Variants in RMND1 observed in about 807,000 individuals in gnomAD.
RMND1 encodes the protein required for meiotic nuclear division 1 homolog.
RMND1 carries 41 observed loss-of-function variants against 54.0 expected under a neutral mutation model. The ratio of observed to expected loss-of-function variants is 0.76; its 90% CI spans 0.59 to 0.98. RMND1 has a LOEUF of 0.98. RMND1 is among the 50% of genes least tolerant of loss of function. The pLI is 0.00. For missense variants in RMND1, 457 were observed against 532.0 expected (o/e 0.86, Z 1.39); for synonymous variants, 183 against 181.7 (o/e 1.01, Z -0.06).
At chr6:151,433,005 C>T (rs1338950875) in intron 4 of RMND1, 150 bp downstream of exon 4, 1 of 530,368 alleles carries the variant, frequency 1.9e-6, no homozygotes, top group East Asian at 3.1e-5. Flanking sequence ...ACAAACTCTC[C>T]TAGATTAAAT....
chr6:151,449,369 G>T (rs1266746085), intron 1 of RMND1, among the ~76,000 whole-genome samples: 1 of 111,812 alleles, frequency 8.9e-6, no homozygotes, highest in East Asian at 2.7e-4. Context: ...ATTCTGTAAC[G>T]AAAAAAAAAA....
chr6:151,409,792 C>T (rs1197958428), intron 10 of RMND1, among the ~76,000 whole-genome samples: 2 of 152,060 alleles, frequency 1.3e-5, no homozygotes, highest in Admixed American at 6.6e-5. Context: ...TTAGAAGTCA[C>T]GACAACAAAC....
chr6:151,431,817 A>G (rs1780455390), intron 4 of RMND1, among the ~76,000 whole-genome samples: 1 of 152,138 alleles, frequency 6.6e-6, no homozygotes, highest in Non-Finnish European at 1.5e-5. Context: ...TTTCATGTTA[A>G]TATGTTAAGA....
intron 1 of RMND1, among the ~76,000 whole-genome samples, chr6:151,451,041 A>G (rs1582977617): frequency 6.6e-6 from 1 of 152,114 alleles, no homozygotes. Flanking sequence ...CCTAATCTCA[A>G]GTACCCAGGG....
At chr6:151,413,766 T>C (rs1779924281) in intron 10 of RMND1, 2 of 152,218 alleles carry the variant, frequency 1.3e-5, no homozygotes, top group African/African-American at 2.4e-5. Flanking sequence ...ACCTCTGTTA[T>C]CTAAAACTGT....
intron 5 of RMND1, among the ~76,000 whole-genome samples, chr6:151,428,587 A>G (rs998128560): frequency 5.3e-5 from 8 of 152,362 alleles, no homozygotes; most frequent in East Asian, 3.9e-4. Flanking sequence ...GCTGGAGTGC[A>G]GTGATGCAAT....
At chr6:151,442,343 GTTA>G (rs913668969) in intron 2 of RMND1, among the ~76,000 whole-genome samples, 1 of 152,094 alleles carries the variant, frequency 6.6e-6, no homozygotes, top group Non-Finnish European at 1.5e-5. Context: ...AATGTATTCT[GTTA>G]TTTTCTATTC....
intron 9 of RMND1, among the ~76,000 whole-genome samples, chr6:151,419,090 A>G (rs754325699): frequency 1.7e-4 from 22 of 129,896 alleles, no homozygotes; most frequent in Non-Finnish European, 3.6e-4. Flanking sequence ...TTGAGACAGA[A>G]TCTTGCTCTG....
At chr6:151,410,472 T>C (rs1302889500) in intron 10 of RMND1, among the ~76,000 whole-genome samples, 1 of 152,158 alleles carries the variant, frequency 6.6e-6, no homozygotes. Flanking sequence ...CAGGGTGAAC[T>C]CTCAACCCCT....
At chr6:151,451,703 A>C (rs1242853313) in intron 1 of RMND1, among the ~76,000 whole-genome samples, 1 of 152,206 alleles carries the variant, frequency 6.6e-6, no homozygotes, top group African/African-American at 2.4e-5. Flanking sequence ...CAATTAAGAA[A>C]ATCGATTACA....
intron 10 of RMND1, among the ~76,000 whole-genome samples, chr6:151,410,086 G>A (rs1321974654): frequency 1.7e-4 from 24 of 142,496 alleles, no homozygotes; most frequent in Non-Finnish European, 1.5e-4. Context: ...GCGGAGTCTT[G>A]CTCTGTCACC....
chr6:151,407,865 C>G (rs976907846), intron 10 of RMND1, among the ~76,000 whole-genome samples: 2 of 151,902 alleles, frequency 1.3e-5, no homozygotes, highest in Non-Finnish European at 1.5e-5. Flanking sequence ...GAGCCAAGAT[C>G]GCGCCACTGC....
Position 151,434,341 on chromosome 6 carries a change from C to T in RMND1, c.614-1111G>A, listed in dbSNP as rs557359830. Among the ~76,000 whole-genome samples the T allele has an allele frequency of 4.6e-5, 7 of 151,784 alleles. No homozygotes were observed. The East Asian group carries it at 1.2e-3, about 25-fold the overall frequency. ...AACGGAATTAACATAAAATTAGGATCCTCAAAGCTTCAGAAATTTCTGGTA... is the reference window on the plus strand; with the variant it reads ...AACGGAATTAACATAAAATTAGGATTCTCAAAGCTTCAGAAATTTCTGGTA... On this transcript the variant is annotated intron_variant, in intron 3 of 11. Coordinates refer to ENST00000444024, the MANE Select transcript of RMND1 (RefSeq NM_017909.4).
intron 2 of RMND1, among the ~76,000 whole-genome samples, chr6:151,443,552 C>T (rs1025810783): frequency 3.3e-5 from 5 of 152,140 alleles, no homozygotes; most frequent in Non-Finnish European, 7.3e-5. Flanking sequence ...CTCAAGTAAT[C>T]GCCTGCCTGG....
chr6:151,426,224 G>C (rs1780293230), intron 6 of RMND1, among the ~76,000 whole-genome samples: 1 of 152,142 alleles, frequency 6.6e-6, no homozygotes, highest in Admixed American at 6.5e-5. Flanking sequence ...TGAGATTACA[G>C]GTGTGAGCCA....
At chr6:151,407,613 C>CA (rs1361853705) in intron 10 of RMND1, among the ~76,000 whole-genome samples, 1 of 152,086 alleles carries the variant, frequency 6.6e-6, no homozygotes, top group Non-Finnish European at 1.5e-5. Flanking sequence ...AATGTGCAAG[C>CA]AAGAGTCCCT....
At chr6:151,446,641 G>A (rs1780961455) in intron 1 of RMND1, among the ~76,000 whole-genome samples, 1 of 151,752 alleles carries the variant, frequency 6.6e-6, no homozygotes, top group African/African-American at 2.4e-5. Context: ...GGTGGCTCAC[G>A]CCTGTAATCC....
rs565043464 is a variant in RMND1 at position 151,449,883 on chromosome 6, G to A, written c.-15+2133C>T. ...CCGGGCTGGTCTGCAGCTCCTAACC[G>A]CGAGTGATCTGCCAGCCTCGGCCTC... On this transcript the variant is annotated intron_variant, in intron 1 of 11. Coordinates refer to ENST00000444024, the MANE Select transcript of RMND1 (RefSeq NM_017909.4). 3.3e-5 allele frequency among the ~76,000 whole-genome samples: 5 copies of A among 152,340 alleles called. No homozygotes were observed. The East Asian group carries it at 7.7e-4, about 24-fold the overall frequency.
At chr6:151,406,188 C>A (rs537108653) in intron 10 of RMND1, among the ~76,000 whole-genome samples, 1 of 152,274 alleles carries the variant, frequency 6.6e-6, no homozygotes, top group Admixed American at 6.5e-5. Context: ...TTACTTTCTA[C>A]TAGAAAATCT....
Sources: allele counts gnomAD v4.1 joint callset (sites outside exome capture counted in the v4.1 genomes callset), GRCh38; gene constraint gnomAD v4.1.1; transcripts MANE v1.5; gene names NCBI Gene and HGNC (gene_info 2026-07-23, HGNC 2026-07-21).